The following CDH12 variants were observed in gnomAD, a reference collection of about 807,000 sequenced individuals.
CDH12 encodes the protein cadherin 12.
Under a neutral mutation model 74.1 loss-of-function variants are expected in CDH12, and 41 were observed. The ratio of observed to expected loss-of-function variants is 0.55; its 90% CI spans 0.43 to 0.72. The LOEUF (loss-of-function observed/expected upper bound fraction) is 0.72, where lower values mean the gene tolerates loss of function less well. CDH12 is among the 30% of genes least tolerant of loss of function. The probability of loss-of-function intolerance (pLI) is 0.00; values close to 1 mark genes in which losing one functional copy is unlikely to be tolerated. For synonymous variants in CDH12, 399 were observed against 355.0 expected (o/e 1.12, Z -1.39); for missense variants, 945 against 977.2 (o/e 0.97, Z 0.44).
At chr5:22,064,914 A>T (rs1741455018) in intron 5 of CDH12, among the ~76,000 whole-genome samples, 1 of 152,176 alleles carries the variant, frequency 6.6e-6, no homozygotes, top group Admixed American at 6.5e-5. Context: ...AGAAAAATTG[A>T]GTTCCTAGCC....
intron 6 of CDH12, among the ~76,000 whole-genome samples, chr5:21,900,381 C>G (rs2150053287): frequency 6.6e-6 from 1 of 152,254 alleles, no homozygotes; most frequent in African/African-American, 2.4e-5. Context: ...AATAATAATA[C>G]AATCTATATA....
chr5:21,845,400 G>A, intron 7 of CDH12, among the ~76,000 whole-genome samples: 1 of 152,056 alleles, frequency 6.6e-6, no homozygotes, highest in East Asian at 1.9e-4. Flanking sequence ...GCCATGTGAA[G>A]TGCACACATT....
intron 1 of CDH12, among the ~76,000 whole-genome samples, chr5:22,810,697 T>C (rs748444064): frequency 4.6e-5 from 7 of 152,074 alleles, no homozygotes; most frequent in Non-Finnish European, 7.4e-5. Flanking sequence ...GTAAACATAC[T>C]GAGACTCCAT....
chr5:22,014,091 G>C (rs1203657390), intron 5 of CDH12, among the ~76,000 whole-genome samples: 1 of 152,114 alleles, frequency 6.6e-6, no homozygotes, highest in Non-Finnish European at 1.5e-5. Flanking sequence ...GCCAAGTGTG[G>C]TGGCATGCAC....
intron 1 of CDH12, among the ~76,000 whole-genome samples, chr5:22,736,276 A>T (rs1744715196): frequency 6.6e-6 from 1 of 151,810 alleles, no homozygotes; most frequent in Non-Finnish European, 1.5e-5. Context: ...CCAGTTAGAT[A>T]TTTTAGTATA....
chr5:22,651,356 G>T (rs1366065967), intron 1 of CDH12, among the ~76,000 whole-genome samples: 4 of 152,034 alleles, frequency 2.6e-5, no homozygotes, highest in African/African-American at 4.8e-5. Flanking sequence ...AAAAAGGAAG[G>T]GGGAGGCTTA....
At chr5:21,763,081 GGTGATAAATTTTAAGT>G (rs1280798229) in intron 12 of CDH12, among the ~76,000 whole-genome samples, 1 of 152,044 alleles carries the variant, frequency 6.6e-6, no homozygotes, top group Non-Finnish European at 1.5e-5. Context: ...ATGCACTTAA[GGTGATAAATTTTAAGT>G]GCATTCTGTG....
chr5:22,748,336 G>T (rs1168839101), intron 1 of CDH12, among the ~76,000 whole-genome samples: 1 of 151,944 alleles, frequency 6.6e-6, no homozygotes, highest in Non-Finnish European at 1.5e-5. Flanking sequence ...AGACATAAAT[G>T]AATAGACTGG....
At chr5:22,627,102 A>G (rs1738338977) in intron 1 of CDH12, among the ~76,000 whole-genome samples, 1 of 152,190 alleles carries the variant, frequency 6.6e-6, no homozygotes, top group African/African-American at 2.4e-5. Flanking sequence ...AAGAGACAAT[A>G]TCTACGACTC....
intron 5 of CDH12, among the ~76,000 whole-genome samples, chr5:22,039,475 G>T (rs1178311962): frequency 1.3e-5 from 2 of 152,078 alleles, no homozygotes; most frequent in Admixed American, 1.3e-4. Context: ...CTAAGACCCT[G>T]GCTCCACAGC....
chr5:22,778,784 C>A (rs1380019232), intron 1 of CDH12, among the ~76,000 whole-genome samples: 1 of 151,902 alleles, frequency 6.6e-6, no homozygotes, highest in Non-Finnish European at 1.5e-5. Context: ...ATATAGTTTT[C>A]TTAAAAAGAA....
chr5:22,686,268 T>C (rs1037036496), intron 1 of CDH12, among the ~76,000 whole-genome samples: 6 of 152,164 alleles, frequency 3.9e-5, no homozygotes, highest in Non-Finnish European at 5.9e-5. Flanking sequence ...TCTTTTTATA[T>C]TCTAGATACA....
intron 3 of CDH12, among the ~76,000 whole-genome samples, chr5:22,224,635 A>G (rs1752133080): frequency 2.0e-5 from 3 of 152,056 alleles, no homozygotes. Flanking sequence ...TCATATAAAA[A>G]CAGGCAGATA....
At chr5:22,581,220 A>G (rs1337919206) in intron 1 of CDH12, among the ~76,000 whole-genome samples, 2 of 152,142 alleles carry the variant, frequency 1.3e-5, no homozygotes. Context: ...CCTAGGAGGA[A>G]TAAGTGGTTT....
chr5:22,394,833 T>A (rs1195217040), intron 3 of CDH12, among the ~76,000 whole-genome samples: 2 of 152,178 alleles, frequency 1.3e-5, no homozygotes, highest in Non-Finnish European at 2.9e-5. Flanking sequence ...ATATCTAAGT[T>A]AAATTATCAA....
intron 3 of CDH12, among the ~76,000 whole-genome samples, chr5:22,290,950 T>C (rs1420201511): frequency 6.6e-6 from 1 of 152,184 alleles, no homozygotes; most frequent in Non-Finnish European, 1.5e-5. Context: ...ATACCAGTTC[T>C]TCTCAATCTC....
intron 6 of CDH12, among the ~76,000 whole-genome samples, chr5:21,974,399 T>C (rs1394182779): frequency 6.6e-6 from 1 of 152,208 alleles, no homozygotes; most frequent in African/African-American, 2.4e-5. Context: ...CTACATATTA[T>C]AGGACTTTGT....
intron 5 of CDH12, among the ~76,000 whole-genome samples, chr5:22,077,047 AGTGT>A (rs5866546): frequency 0.2 from 29,835 of 148,990 alleles, 3,145 homozygotes; most frequent in Non-Finnish European, 0.23. Context: ...GCTTAATGGC[AGTGT>A]GTGTGTGTGT....
chr5:21,817,856 G>T (rs2149947322), intron 8 of CDH12, among the ~76,000 whole-genome samples: 1 of 151,900 alleles, frequency 6.6e-6, no homozygotes, highest in East Asian at 1.9e-4. Context: ...TTTACCACCA[G>T]GTGGAGCGTT....
Sources: allele counts gnomAD v4.1 joint callset (sites outside exome capture counted in the v4.1 genomes callset), GRCh38; gene constraint gnomAD v4.1.1; transcripts MANE v1.5; gene names NCBI Gene and HGNC (gene_info 2026-07-23, HGNC 2026-07-21).